The following RACK1 variants were observed in gnomAD, a reference collection of about 807,000 sequenced individuals.
RACK1 encodes small ribosomal subunit protein RACK1.
Under a neutral mutation model 42.2 loss-of-function variants are expected in RACK1, and 3 were observed. That is an observed-to-expected ratio of 0.07 (90% confidence interval 0.03 to 0.18). The LOEUF is 0.18. Among genes scored for constraint, RACK1 ranks in the 10% least tolerant of loss-of-function variants. RACK1 has a pLI of 1.00. For missense variants in RACK1, 146 were observed against 403.2 expected (o/e 0.36, Z 5.46); for synonymous variants, 181 against 154.8 (o/e 1.17, Z -1.25).
At position 181,237,302 on chromosome 5, in the gene RACK1, A is replaced by C. The variant is rs1382943147; in HGVS notation, c.889-260T>G. ...CTCTCATTTCAACAGCCAGCTTGTA[A>C]GTGGTGGTTATGTATTCCTTGAGGA... On this transcript the variant is annotated intron_variant, in intron 7 of 7. Transcript: ENST00000512805. 1.2e-5 allele frequency: 9 copies of C among 731,506 alleles called. No individual in the cohort carries two copies. The East Asian group carries it at 2.1e-4, about 17-fold the overall frequency. The allele number at this position is 731,506 out of a possible 1,614,324, so 45.3% of individuals were successfully genotyped here. A position where few individuals can be genotyped will look rare whatever the true frequency, so the allele number is the denominator to read the frequency against.
At chr5:181,242,931 C>G in intron 1 of RACK1, 1 of 329,894 alleles carries the variant, frequency 3.0e-6, no homozygotes, top group Non-Finnish European at 5.9e-6. Context: ...AACTCAACAG[C>G]CACTTTGTGT....
intron 1 of RACK1, chr5:181,243,434 A>T (rs778083606): frequency 6.7e-7 from 1 of 1,501,882 alleles, no homozygotes; most frequent in Non-Finnish European, 8.9e-7. Flanking sequence ...AAGATATTTT[A>T]AAAGTTTCCA....
chr5:181,240,890 A>C (rs904036530), intron 3 of RACK1: 1 of 152,292 alleles, frequency 6.6e-6, no homozygotes, highest in Admixed American at 6.6e-5. Context: ...GCACTTTGGG[A>C]GGCTGAGGCG....
intron 1 of RACK1, chr5:181,243,190 A>C (rs1003252856): frequency 9.6e-7 from 1 of 1,037,518 alleles, no homozygotes; most frequent in African/African-American, 1.7e-5. Flanking sequence ...GAAGCGTCTA[A>C]ACGCAGTCAG....
At chr5:181,240,921 G>A (rs1426197870) in intron 3 of RACK1, 3 of 152,250 alleles carry the variant, frequency 2.0e-5, no homozygotes, top group African/African-American at 7.3e-5. Context: ...CTGAGGTTGG[G>A]AGTTCAAGAC....
At chr5:181,237,789 G>T in intron 6 of RACK1, 70 bp from the exon 7 acceptor site, 1 of 913,064 alleles carries the variant, frequency 1.1e-6, no homozygotes, top group Admixed American at 1.8e-5. Flanking sequence ...AGCCCCTCAA[G>T]ATTCTCAAGT....
Position 181,243,858 on chromosome 5 carries a change from G to A in RACK1, c.-58C>T, listed in dbSNP as rs2241369. On this transcript the variant is annotated 5_prime_UTR_variant, in exon 1 of 8. Coordinates refer to ENST00000512805, the MANE Select transcript of RACK1 (RefSeq NM_006098.5). ...CGAGGATGGCACTGGATGGCTTAGA[G>A]AAACTAGCACCACAACCTCTCCTGC... 2.1e-5 allele frequency: 33 copies of A among 1,538,846 alleles called. No homozygotes were observed. Among genetic ancestry groups the A allele is most frequent in the Non-Finnish European group, 2.5e-5 (28 of 1,140,412 alleles).
chr5:181,238,255 G>C lies in RACK1; in HGVS notation c.637-16C>G. The C allele has an allele frequency of 6.2e-7, 1 of 1,613,660 alleles. No individual in the cohort carries two copies. The highest frequency in any genetic ancestry group is 8.5e-7 in the Non-Finnish European group (1 of 1,179,604). On this transcript the variant is annotated splice_polypyrimidine_tract_variant and intron_variant, in intron 5 of 7. Coordinates refer to ENST00000512805, the MANE Select transcript of RACK1 (RefSeq NM_006098.5). ...CCTGGCCATCCTGGACACAGGTAAG[G>C]TAAATCAGGACACTGTGACCTCTTC...
In RACK1 at chr5:181,242,335, G is replaced by A. The variant is rs758151181; in HGVS notation, c.120C>T (p.Ile40=). Residue 40 remains isoleucine, a synonymous_variant, in exon 2 of 8, where the codon ATC becomes ATT. Transcript: ENST00000512805. ...CATCCCTGGTCAGTTTCCACATGAT[G>A]ATGGTCTTATCTAAAGGAGGTAAAA... ...MILSASRDKT[I]IMWKLTRDET... 2 of 1,612,068 alleles carry A rather than the reference G, an allele frequency of 1.2e-6. No individual in the cohort carries two copies. Among genetic ancestry groups the A allele is most frequent in the Admixed American group, 1.7e-5 (1 of 59,788 alleles).
At chr5:181,237,550 G>A (rs774767598) in intron 7 of RACK1, 59 bp downstream of exon 7, 26 of 903,756 alleles carry the variant, frequency 2.9e-5, no homozygotes, top group Middle Eastern at 2.1e-4. Context: ...TATACTAACA[G>A]AATGAGAGGG....
At chr5:181,237,113 G>C (rs1156855974) in intron 7 of RACK1, 71 bp from the exon 8 acceptor site, 2 of 1,600,736 alleles carry the variant, frequency 1.2e-6, no homozygotes, top group African/African-American at 2.7e-5. Context: ...TTCAGCCCAA[G>C]TGGCTTTTTT....
At chr5:181,237,374 T>C in intron 7 of RACK1, 1 of 703,106 alleles carries the variant, frequency 1.4e-6, no homozygotes, top group Non-Finnish European at 2.6e-6. Flanking sequence ...ACTGGTCAGA[T>C]TAATTAAGGT....
In RACK1 at chr5:181,240,534, G is replaced by A. The variant is rs899061511; in HGVS notation, c.430-952C>T. The A allele has an allele frequency of 7.9e-5, 12 of 151,588 alleles. No homozygotes were observed. In the East Asian group the frequency reaches 9.8e-4, roughly 12 times the overall value. The allele number at this position is 151,588 out of a possible 1,614,324, so 9.4% of individuals were successfully genotyped here. A position where few individuals can be genotyped will look rare whatever the true frequency, so the allele number is the denominator to read the frequency against. On this transcript the variant is annotated intron_variant, in intron 3 of 7. Coordinates refer to ENST00000512805, the MANE Select transcript of RACK1 (RefSeq NM_006098.5). ...AAATTAGCTGGGCATGATGGCACAC[G>A]CCTGTAATCTTCTCAGACACCCAAC...
intron 1 of RACK1, chr5:181,243,106 T>G (rs772933665): frequency 2.8e-5 from 13 of 457,184 alleles, no homozygotes; most frequent in Non-Finnish European, 4.5e-5. Flanking sequence ...CTCAACAAAT[T>G]TTACGATTAA....
intron 6 of RACK1, 96 bp from the exon 7 acceptor site, chr5:181,237,815 T>C: frequency 2.5e-6 from 2 of 787,766 alleles, no homozygotes; most frequent in Non-Finnish European, 4.4e-6. Context: ...AGGGATGATT[T>C]TGCTCCCTGG....
intron 3 of RACK1, chr5:181,241,104 A>G (rs1293573121): frequency 6.0e-6 from 1 of 166,490 alleles, no homozygotes; most frequent in Non-Finnish European, 1.3e-5. Context: ...AGCCTGGGGA[A>G]CAAGCGAAAC....
chr5:181,242,560 A>G (rs1023333481), intron 1 of RACK1: 19 of 655,044 alleles, frequency 2.9e-5, no homozygotes, highest in Middle Eastern at 4.8e-4. Flanking sequence ...GTACCCTGAT[A>G]ACTTTTTTTT....
In RACK1 at chr5:181,242,157, A is replaced by T; in HGVS notation, c.281+17T>A. The T allele has an allele frequency of 1.9e-6, 3 of 1,605,604 alleles. No homozygotes were observed. The highest frequency in any genetic ancestry group is 2.6e-6 in the Non-Finnish European group (3 of 1,175,526). ...GATTCTTCCCAAGGCCCCAGAGCTAAGTGAGCAGCTACTTGCGTTGTGAGA... is the reference window on the plus strand; with the variant it reads ...GATTCTTCCCAAGGCCCCAGAGCTATGTGAGCAGCTACTTGCGTTGTGAGA... On this transcript the variant is annotated intron_variant, in intron 2 of 7. Coordinates refer to ENST00000512805, the MANE Select transcript of RACK1 (RefSeq NM_006098.5).
At chr5:181,241,180 A>T (rs1759330276) in intron 3 of RACK1, 1 of 228,772 alleles carries the variant, frequency 4.4e-6, no homozygotes, top group Admixed American at 5.1e-5. Context: ...TGTAATCCCA[A>T]CACTTTGGGA....
Sources: gnomAD v4.1 joint callset for allele counts on GRCh38, gnomAD v4.1.1 for gene constraint, MANE v1.5 for transcripts, NCBI Gene and HGNC (gene_info 2026-07-23, HGNC 2026-07-21) for gene names.